The following NR2C1 variants were observed in gnomAD, a reference collection of about 807,000 sequenced individuals.
NR2C1 encodes the protein TR2 nuclear hormone receptor.
A neutral mutation model predicts 74.8 loss-of-function variants in NR2C1; 33 were observed. The ratio of observed to expected loss-of-function variants is 0.44; its 90% CI spans 0.33 to 0.59. NR2C1 has a LOEUF of 0.59. NR2C1 is among the 20% of genes least tolerant of loss of function. NR2C1 has a pLI of 0.02. For synonymous variants in NR2C1, 225 were observed against 240.6 expected, an observed-to-expected ratio of 0.94 and a Z score of 0.60; for missense variants, 568 against 715.6, an observed-to-expected ratio of 0.79 and a Z score of 2.35.
chr12:95,064,260 C>T (rs1875276656), intron 2 of NR2C1, among the ~76,000 whole-genome samples: 2 of 144,738 alleles, frequency 1.4e-5, no homozygotes, highest in East Asian at 2.1e-4. Flanking sequence ...ACCAGGGAGG[C>T]GGAGGTTGCA....
intron 10 of NR2C1, among the ~76,000 whole-genome samples, chr12:95,038,162 A>G (rs1181723095): frequency 6.6e-6 from 1 of 152,212 alleles, no homozygotes; most frequent in African/African-American, 2.4e-5. Flanking sequence ...AGATCACAGG[A>G]AAATGTGGCT....
In NR2C1 at chr12:95,062,645, C is replaced by A. The variant is rs370279266; in HGVS notation, c.148G>T (p.Asp50Tyr). The change falls in exon 3 of 14, where the codon GAC becomes TAC. Residue 50 changes from aspartate to tyrosine, a missense_variant. Physicochemically the swap from Asp to Tyr is radical, Grantham distance 160. Coordinates refer to ENST00000333003, the MANE Select transcript of NR2C1 (RefSeq NM_003297.4). ...ATGACTTTGCTTGGAGTAGAGCCGT[C>A]GTGATTTGTCAGAATGAACTGCTTG... Reference protein sequence around the residue: ...QGKQFILTNHDGSTPSKVILA... With the variant: ...QGKQFILTNHYGSTPSKVILA... 138 of 1,614,108 alleles carry A rather than the reference C, an allele frequency of 8.5e-5. No individual in the cohort carries two copies. The South Asian group carries it at 1.4e-3, about 16-fold the overall frequency.
At chr12:95,052,562 C>T (rs1304682414) in intron 7 of NR2C1, among the ~76,000 whole-genome samples, 2 of 152,102 alleles carry the variant, frequency 1.3e-5, no homozygotes, top group Non-Finnish European at 1.5e-5. Context: ...GCTCACTGAT[C>T]CTCCTACCTC....
At chr12:95,060,250 G>A (rs1453430486) in intron 3 of NR2C1, among the ~76,000 whole-genome samples, 2 of 152,148 alleles carry the variant, frequency 1.3e-5, no homozygotes, top group East Asian at 1.9e-4. Flanking sequence ...TTTCCTTGAG[G>A]TAATTATAAT....
intron 10 of NR2C1, among the ~76,000 whole-genome samples, chr12:95,033,873 T>G (rs1413206231): frequency 6.6e-6 from 1 of 152,198 alleles, no homozygotes; most frequent in African/African-American, 2.4e-5. Flanking sequence ...AAAAGAGCTG[T>G]GGGCCCTTTT....
intron 2 of NR2C1, among the ~76,000 whole-genome samples, chr12:95,064,652 G>C (rs117964942): frequency 2.0e-5 from 3 of 152,076 alleles, no homozygotes; most frequent in Admixed American, 2.0e-4. Flanking sequence ...CATCTGGGGG[G>C]GAGGAACAAG....
At chr12:95,064,431 T>C (rs1875329279) in intron 2 of NR2C1, among the ~76,000 whole-genome samples, 1 of 151,242 alleles carries the variant, frequency 6.6e-6, no homozygotes, top group African/African-American at 2.4e-5. Flanking sequence ...TGGGCAGAAA[T>C]ACTGACCAGG....
At chr12:95,030,415 T>C in intron 11 of NR2C1, 1 of 1,300,946 alleles carries the variant, frequency 7.7e-7, no homozygotes, top group Non-Finnish European at 9.8e-7. Flanking sequence ...AGAATAAAGT[T>C]TTACAATAAA....
chr12:95,023,875 C>A (rs1159946813), intron 13 of NR2C1, among the ~76,000 whole-genome samples: 2 of 152,128 alleles, frequency 1.3e-5, no homozygotes, highest in African/African-American at 4.8e-5. Context: ...CTTAAAGATG[C>A]TGAAAAACAA....
rs1365538268 is a variant in NR2C1 at position 95,028,409 on chromosome 12, C to T, written c.1509G>A (p.Lys503=). 1 of 1,611,448 alleles carries T rather than the reference C, an allele frequency of 6.2e-7. No homozygotes were observed. Among genetic ancestry groups the T allele is most frequent in the African/African-American group, 1.3e-5 (1 of 74,878 alleles). ...CIDGYEYAYL[K]AIVLFSPDHP... ...TACCTGGACTGAAGAGTACTATTGC[C>T]TTCAGGTAGGCATATTCGTATCCAT... The change falls in exon 12 of 14, where the codon AAG becomes AAA. Residue 503 remains lysine (K), a synonymous_variant. Coordinates refer to ENST00000333003, the MANE Select transcript of NR2C1 (RefSeq NM_003297.4).
chr12:95,059,019 CA>C (rs1874338037), intron 4 of NR2C1, among the ~76,000 whole-genome samples: 1 of 152,176 alleles, frequency 6.6e-6, no homozygotes, highest in Non-Finnish European at 1.5e-5. Flanking sequence ...AATGTTTCTA[CA>C]GCTGGGCGTG....
Position 95,057,713 on chromosome 12 carries a change from G to C in NR2C1, c.692+18C>G. The C allele has an allele frequency of 6.2e-7, 1 of 1,613,310 alleles. No homozygotes were observed. Among genetic ancestry groups the C allele is most frequent in the Non-Finnish European group, 8.5e-7 (1 of 1,179,588 alleles). ...GAAAAACAAAATGACCAGCTACTCA[G>C]TGTCTGTTTTACTTTACCTTGTACT... is the stretch of plus-strand genomic sequence containing the variant. On this transcript the variant is annotated intron_variant, in intron 6 of 13. Coordinates refer to ENST00000333003, the MANE Select transcript of NR2C1 (RefSeq NM_003297.4).
intron 1 of NR2C1, chr12:95,073,100 G>C (rs1592812554): frequency 1.3e-5 from 2 of 152,390 alleles, no homozygotes; most frequent in South Asian, 4.1e-4. Flanking sequence ...GCTGGAAAGG[G>C]GGTTGTGTGC....
intron 12 of NR2C1, among the ~76,000 whole-genome samples, chr12:95,026,300 A>G (rs1270598895): frequency 6.6e-6 from 1 of 152,200 alleles, no homozygotes; most frequent in East Asian, 1.9e-4. Flanking sequence ...ATTTTTAGGT[A>G]AAAAGGTATA....
intron 3 of NR2C1, among the ~76,000 whole-genome samples, chr12:95,061,838 TAA>T (rs1340787367): frequency 3.3e-5 from 5 of 152,224 alleles, no homozygotes; most frequent in East Asian, 1.9e-4. Flanking sequence ...ATGTGGTGTA[TAA>T]AAGTTTTTGA....
chr12:95,055,846 G>A (rs1349842697), intron 7 of NR2C1, among the ~76,000 whole-genome samples: 4 of 151,564 alleles, frequency 2.6e-5, no homozygotes, highest in African/African-American at 9.7e-5. Flanking sequence ...CCAGCTACTT[G>A]GGAGGCTGAG....
intron 7 of NR2C1, among the ~76,000 whole-genome samples, chr12:95,055,310 C>T (rs1318868653): frequency 2.0e-5 from 3 of 152,220 alleles, no homozygotes; most frequent in Non-Finnish European, 2.9e-5. Flanking sequence ...ACCTAGTTCC[C>T]TTCCTTTCTT....
intron 1 of NR2C1, chr12:95,072,968 C>G (rs374930255): frequency 7.2e-5 from 11 of 152,252 alleles, no homozygotes; most frequent in East Asian, 3.9e-4. Flanking sequence ...TCACTCGTGC[C>G]GGCGTTAGCC....
intron 12 of NR2C1, among the ~76,000 whole-genome samples, chr12:95,026,410 A>G (rs1869371317): frequency 6.6e-6 from 1 of 152,176 alleles, no homozygotes; most frequent in South Asian, 2.1e-4. Context: ...AACATTACAC[A>G]AAAACAGAAA....
Sources: gnomAD v4.1 joint callset for allele counts (sites outside exome capture counted in the v4.1 genomes callset) on GRCh38, gnomAD v4.1.1 for gene constraint, MANE v1.5 for transcripts, NCBI Gene and HGNC (gene_info 2026-07-23, HGNC 2026-07-21) for gene names.